ARSB: variants seen among roughly 807,000 people sequenced by gnomAD.
ARSB encodes arylsulfatase B.
In ARSB, 41 loss-of-function variants were observed where a neutral mutation model predicts 50.9. The ratio of observed to expected loss-of-function variants is 0.81; its 90% CI spans 0.63 to 1.04. The LOEUF (loss-of-function observed/expected upper bound fraction) is 1.04, where lower values mean the gene tolerates loss of function less well. Among genes scored for constraint, ARSB ranks in the 50% least tolerant of loss-of-function variants. ARSB has a pLI of 0.00. For missense variants in ARSB, 672 were observed against 693.3 expected, an observed-to-expected ratio of 0.97 and a Z score of 0.35; for synonymous variants, 269 against 284.8, an observed-to-expected ratio of 0.94 and a Z score of 0.56.
chr5:78,915,217 A>G (rs867012177), intron 4 of ARSB, among the ~76,000 whole-genome samples: 1 of 152,042 alleles, frequency 6.6e-6, no homozygotes, highest in Non-Finnish European at 1.5e-5. Context: ...GTTATTTGAT[A>G]ATTACTTGAC....
In ARSB at chr5:78,839,065, C is replaced by T. The variant is rs139845227; in HGVS notation, c.1213+291G>A. Among the ~76,000 whole-genome samples the T allele has an allele frequency of 7.9e-5, 12 of 152,284 alleles. No individual in the cohort carries two copies. The East Asian group carries it at 1.9e-3, about 24-fold the overall frequency. On this transcript the variant is annotated intron_variant, in intron 6 of 7. Coordinates refer to ENST00000264914, the MANE Select transcript of ARSB (RefSeq NM_000046.5). ...ACAGTGAGAAGGAGCCTCAGAGATG[C>T]CATGAGTTCTTCTTTTGTAAATGGG...
intron 4 of ARSB, among the ~76,000 whole-genome samples, chr5:78,938,933 G>A (rs1750759888): frequency 6.6e-6 from 1 of 152,166 alleles, no homozygotes; most frequent in Admixed American, 6.5e-5. Flanking sequence ...GACATCTGAG[G>A]CAGGACACTT....
chr5:78,809,039 AACTGTGTTTCAGCC>A (rs1743696604), intron 6 of ARSB, among the ~76,000 whole-genome samples: 1 of 152,264 alleles, frequency 6.6e-6, no homozygotes, highest in South Asian at 2.1e-4. Context: ...ATAAATGACA[AACTGTGTTTCAGCC>A]ACTGTGCTGG....
chr5:78,828,811 C>T (rs779334575), intron 6 of ARSB, among the ~76,000 whole-genome samples: 20 of 152,114 alleles, frequency 1.3e-4, no homozygotes, highest in Middle Eastern at 3.2e-3. Context: ...GGCAAAGGGG[C>T]ATTCAGGCTG....
chr5:78,952,694 A>C (rs1350347797), intron 4 of ARSB, among the ~76,000 whole-genome samples: 2 of 152,208 alleles, frequency 1.3e-5, no homozygotes, highest in Non-Finnish European at 2.9e-5. Flanking sequence ...TATTTAATAC[A>C]GTCTTCCAGA....
At chr5:78,821,305 T>C (rs1744211973) in intron 6 of ARSB, among the ~76,000 whole-genome samples, 1 of 152,126 alleles carries the variant, frequency 6.6e-6, no homozygotes, top group Non-Finnish European at 1.5e-5. Context: ...CCAGCTAATT[T>C]TTTTGTAATT....
chr5:78,948,950 G>C (rs1048154219), intron 4 of ARSB, among the ~76,000 whole-genome samples: 3 of 152,150 alleles, frequency 2.0e-5, no homozygotes, highest in African/African-American at 7.2e-5. Flanking sequence ...GGCTGTGATA[G>C]AGTCTGAGAA....
intron 5 of ARSB, among the ~76,000 whole-genome samples, chr5:78,876,337 A>C (rs2112174822): frequency 6.6e-6 from 1 of 152,380 alleles, no homozygotes; most frequent in East Asian, 1.9e-4. Flanking sequence ...TGGTAAAGAA[A>C]GTAAAGGCAC....
chr5:78,928,639 A>G (rs991250934), intron 4 of ARSB, among the ~76,000 whole-genome samples: 2 of 152,116 alleles, frequency 1.3e-5, no homozygotes, highest in African/African-American at 4.8e-5. Flanking sequence ...TTGTGAATGA[A>G]GGAATAAAGT....
intron 6 of ARSB, among the ~76,000 whole-genome samples, chr5:78,810,043 G>T (rs952582288): frequency 6.6e-6 from 1 of 152,212 alleles, no homozygotes; most frequent in Admixed American, 6.5e-5. Flanking sequence ...AGAAGAAAAG[G>T]CACAGCTCCA....
chr5:78,817,236 T>C (rs1285780680), intron 6 of ARSB: 1 of 456,386 alleles, frequency 2.2e-6, no homozygotes, highest in Non-Finnish European at 2.9e-6. Flanking sequence ...TGCTTCACTC[T>C]CTCTGGTTTA....
intron 4 of ARSB, among the ~76,000 whole-genome samples, chr5:78,931,497 G>C (rs1750326366): frequency 6.6e-6 from 1 of 151,970 alleles, no homozygotes; most frequent in South Asian, 2.1e-4. Context: ...TCTTCCTCCA[G>C]CTGCCTGTCT....
intron 4 of ARSB, among the ~76,000 whole-genome samples, chr5:78,950,793 A>T (rs1360266167): frequency 6.6e-6 from 1 of 152,200 alleles, no homozygotes; most frequent in Admixed American, 6.5e-5. Context: ...AGGCCACAAG[A>T]CGGCCACACA....
intron 6 of ARSB, among the ~76,000 whole-genome samples, chr5:78,823,665 A>G (rs1234556963): frequency 1.3e-5 from 2 of 152,194 alleles, no homozygotes; most frequent in African/African-American, 4.8e-5. Flanking sequence ...GAATGTTCAC[A>G]TAAGGAGAAA....
intron 6 of ARSB, among the ~76,000 whole-genome samples, chr5:78,808,793 C>T (rs1343257020): frequency 6.6e-6 from 1 of 152,246 alleles, no homozygotes; most frequent in East Asian, 1.9e-4. Context: ...TGCCCCCACC[C>T]TGTTTGCAGT....
At chr5:78,950,273 A>G (rs191659474) in intron 4 of ARSB, among the ~76,000 whole-genome samples, 66 of 152,344 alleles carry the variant, frequency 4.3e-4, no homozygotes, top group Non-Finnish European at 6.8e-4. Context: ...CAGACAGCTT[A>G]TAATGCCAGA....
In ARSB at chr5:78,844,095, G is replaced by A. The variant is rs574412524; in HGVS notation, c.1143-4669C>T. Among the ~76,000 whole-genome samples the A allele has an allele frequency of 7.9e-5, 12 of 152,218 alleles. No individual in the cohort carries two copies. The East Asian group carries it at 1.5e-3, about 20-fold the overall frequency. On this transcript the variant is annotated intron_variant, in intron 5 of 7. Transcript: ENST00000264914. ...AGGAGTGGAATTGCCAGGTCATATG[G>A]TAACTCTACAACATTTTGAGGACTT... is the stretch of plus-strand genomic sequence containing the variant.
chr5:78,872,125 C>T (rs1747223936), intron 5 of ARSB, among the ~76,000 whole-genome samples: 2 of 148,334 alleles, frequency 1.3e-5, no homozygotes, highest in Admixed American at 6.9e-5. Flanking sequence ...GATATCATCT[C>T]ACACCAGTTA....
At chr5:78,959,309 T>G (rs1268981902) in intron 3 of ARSB, among the ~76,000 whole-genome samples, 26 of 151,440 alleles carry the variant, frequency 1.7e-4, no homozygotes, top group Non-Finnish European at 1.5e-5. Context: ...ATTAAACCTC[T>G]TTCCTTTATA....
Sources: gnomAD v4.1 joint callset for allele counts (sites outside exome capture counted in the v4.1 genomes callset) on GRCh38, gnomAD v4.1.1 for gene constraint, MANE v1.5 for transcripts, NCBI Gene and HGNC (gene_info 2026-07-23, HGNC 2026-07-21) for gene names.